DBNDD2: variants seen among roughly 807,000 people sequenced by gnomAD.
DBNDD2 encodes dysbindin domain containing 2.
Under a neutral mutation model 14.0 loss-of-function variants are expected in DBNDD2, and 8 were observed. That is an observed-to-expected ratio of 0.57 (90% confidence interval 0.33 to 1.03). DBNDD2 has a LOEUF of 1.03. DBNDD2 is among the 50% of genes least tolerant of loss of function. DBNDD2 has a pLI of 0.03. For synonymous variants in DBNDD2, 94 were observed against 85.3 expected, an observed-to-expected ratio of 1.10 and a Z score of -0.56; for missense variants, 194 against 206.0, an observed-to-expected ratio of 0.94 and a Z score of 0.36.
rs943867666 is a variant in DBNDD2 at position 45,410,063 on chromosome 20, G to A, written c.409G>A (p.Ala137Thr). 1.3e-6 allele frequency: 2 copies of A among 1,554,794 alleles called. No individual in the cohort carries two copies. Among genetic ancestry groups the A allele is most frequent in the Admixed American group, 1.9e-5 (1 of 51,368 alleles). Residue 137 changes from alanine to threonine, a missense_variant, in exon 3 of 3, where the codon GCA (alanine) becomes ACA (threonine). Physicochemically the swap from Ala to Thr is moderately conservative, Grantham distance 58. Coordinates refer to ENST00000372710, the MANE Select transcript of DBNDD2 (RefSeq NM_001048225.4). Reference sequence around the variant, plus strand: ...TAGCCCAAATCCAAGTGATGATGGAGCAGATACGCCCTTGGCACAGTCGGA... The same window carrying A: ...TAGCCCAAATCCAAGTGATGATGGAACAGATACGCCCTTGGCACAGTCGGA... ...LHSPNPSDDG[A>T]DTPLAQSDEE... is the part of the protein sequence containing the mutation.
At chr20:45,408,142 C>T (rs1022648201), upstream of DBNDD2, 31 of 1,533,878 alleles carry the variant, frequency 2.0e-5, no homozygotes, top group African/African-American at 4.1e-4. Context: ...TCCCTCCAAC[C>T]CCTCTCAGGA....
chr20:45,406,656 C>A, upstream of DBNDD2: 1 of 1,348,024 alleles, frequency 7.4e-7, no homozygotes, highest in Non-Finnish European at 9.5e-7. Flanking sequence ...CCCCGGCCGG[C>A]GCGGCTCGCT....
chr20:45,408,706 C>T, intron 1 of DBNDD2, 95 bp from the exon 2 acceptor site: 1 of 1,574,492 alleles, frequency 6.4e-7, no homozygotes, highest in South Asian at 1.1e-5. Context: ...GTTTTCTTGG[C>T]CCTCTATGCT....
upstream of DBNDD2, chr20:45,408,126 A>T: frequency 2.0e-6 from 3 of 1,517,630 alleles, no homozygotes; most frequent in Non-Finnish European, 2.7e-6. Context: ...ATTTGTGCTG[A>T]ACCAATCCCT....
At chr20:45,407,687 G>A (rs1049819186), upstream of DBNDD2, 1 of 992,916 alleles carries the variant, frequency 1.0e-6, no homozygotes, top group South Asian at 4.5e-5. Context: ...TGTCCCAGGA[G>A]GGGGACGCAT....
intron 1 of DBNDD2, 48 bp from the exon 2 acceptor site, chr20:45,408,753 T>C: frequency 6.3e-7 from 1 of 1,593,984 alleles, no homozygotes; most frequent in Non-Finnish European, 8.6e-7. Flanking sequence ...CTCACTGTCC[T>C]GGTGTGCAGC....
Position 45,408,573 on chromosome 20 carries a change from C to A in DBNDD2, c.106C>A (p.Pro36Thr). 9 of 1,614,194 alleles carry A rather than the reference C, an allele frequency of 5.6e-6. No individual in the cohort carries two copies. The highest frequency in any genetic ancestry group is 7.6e-6 in the Non-Finnish European group (9 of 1,180,002). Residue 36 changes from proline (P) to threonine (T), a missense_variant, in exon 1 of 3, where the codon CCT (proline) becomes ACT (threonine). Pro to Thr is a conservative substitution (Grantham distance 38, BLOSUM62 -1). Coordinates refer to ENST00000372710, the MANE Select transcript of DBNDD2 (RefSeq NM_001048225.4). ...ACAGCCAGAGACAGAGTTTGTCTTTCCTCTGTCCCATCTGCATCTCGAGTC... is the reference window on the plus strand; with the variant it reads ...ACAGCCAGAGACAGAGTTTGTCTTTACTCTGTCCCATCTGCATCTCGAGTC... ...ILQPETEFVF[P>T]LSHLHLESQR...
At chr20:45,406,986 C>CAAA (rs887293428), upstream of DBNDD2, among the ~76,000 whole-genome samples, 1 of 152,196 alleles carries the variant, frequency 6.6e-6, no homozygotes, top group Admixed American at 6.5e-5. Flanking sequence ...ACCCCCTTTC[C>CAAA]AGTACCTATA....
upstream of DBNDD2, chr20:45,406,128 G>C: frequency 3.7e-6 from 1 of 273,678 alleles, no homozygotes. Context: ...CCTGCTGGGC[G>C]GCACCGGGTC....
upstream of DBNDD2, chr20:45,408,032 C>A (rs374847561): frequency 7.0e-7 from 1 of 1,437,982 alleles, no homozygotes; most frequent in Non-Finnish European, 9.1e-7. Context: ...GAACCCTCCA[C>A]CCTGAGATCT....
upstream of DBNDD2, chr20:45,406,718 G>T (rs991240411): frequency 8.7e-5 from 112 of 1,293,270 alleles, no homozygotes; most frequent in Non-Finnish European, 1.0e-4. Context: ...GTCAGAGGGG[G>T]CGCCAGCGCT....
chr20:45,407,988 A>C, upstream of DBNDD2: 2 of 1,414,036 alleles, frequency 1.4e-6, no homozygotes, highest in East Asian at 2.5e-5. Context: ...GTTTTGAAGG[A>C]TGGGAAGGGG....
chr20:45,407,315 T>C (rs565808908), upstream of DBNDD2: 173 of 985,988 alleles, frequency 1.8e-4, 2 homozygotes, highest in South Asian at 7.1e-3. Context: ...CAGACTTCCG[T>C]GGCCCTGCCT....
At chr20:45,408,775 T>A in intron 1 of DBNDD2, 26 bp from the exon 2 acceptor site, 1 of 1,610,836 alleles carries the variant, frequency 6.2e-7, no homozygotes, top group Non-Finnish European at 8.5e-7. Context: ...TGGGTCCTCC[T>A]GACTTGCCCA....
At chr20:45,406,693 G>C, upstream of DBNDD2, 1 of 1,330,636 alleles carries the variant, frequency 7.5e-7, no homozygotes, top group Non-Finnish European at 9.6e-7. Flanking sequence ...GGCCTCGCTG[G>C]AGCGGACGGA....
At chr20:45,409,866 C>T (rs1181476226) in intron 2 of DBNDD2, 66 bp from the exon 3 acceptor site, 1 of 1,502,648 alleles carries the variant, frequency 6.7e-7, no homozygotes, top group Non-Finnish European at 9.1e-7. Context: ...TTACTCCTGG[C>T]CAGATAATCT....
upstream of DBNDD2, chr20:45,407,853 T>C (rs1989550727): frequency 8.8e-7 from 1 of 1,134,920 alleles, no homozygotes; most frequent in African/African-American, 1.6e-5. Flanking sequence ...CAGAGCCTAG[T>C]CTGGAAGTCA....
chr20:45,409,713 T>A lies in DBNDD2; in HGVS notation c.278-219T>A, dbSNP rs528349127. On this transcript the variant is annotated intron_variant, in intron 2 of 2. Coordinates refer to ENST00000372710, the MANE Select transcript of DBNDD2 (RefSeq NM_001048225.4). ...GTAGGTGGAACTTGAACTCTTGCCA[T>A]TCATTGACCTGACTGTAGATCCCAG... Among the ~76,000 whole-genome samples, 435 of 152,322 alleles carry A rather than the reference T, an allele frequency of 2.9e-3. 1 individual carries two copies. Among genetic ancestry groups the A allele is most frequent in the Middle Eastern group, 6.8e-3 (2 of 294 alleles).
At chr20:45,407,546 A>T, upstream of DBNDD2, 1 of 986,372 alleles carries the variant, frequency 1.0e-6, no homozygotes, top group Non-Finnish European at 1.2e-6. Context: ...GGGCTGGCCC[A>T]TAGCCTCAGT....
Sources: allele counts gnomAD v4.1 joint callset (sites outside exome capture counted in the v4.1 genomes callset), GRCh38; gene constraint gnomAD v4.1.1; transcripts MANE v1.5; gene names NCBI Gene and HGNC (gene_info 2026-07-23, HGNC 2026-07-21).